Variants in MAP3K20 observed in about 807,000 individuals in gnomAD.
MAP3K20 encodes the protein HCCS-4.
Under a neutral mutation model 85.7 loss-of-function variants are expected in MAP3K20, and 40 were observed. That is an observed-to-expected ratio of 0.47 (90% CI 0.36 to 0.61). The LOEUF (loss-of-function observed/expected upper bound fraction) is 0.61, where lower values mean the gene tolerates loss of function less well. Among genes scored for constraint, MAP3K20 ranks in the 20% least tolerant of loss-of-function variants. The pLI is 0.00. For missense variants in MAP3K20, 817 were observed against 961.7 expected, an observed-to-expected ratio of 0.85 and a Z score of 1.99; for synonymous variants, 325 against 327.7, an observed-to-expected ratio of 0.99 and a Z score of 0.09.
chr2:173,233,968 T>C (rs1684587597), intron 14 of MAP3K20, among the ~76,000 whole-genome samples: 1 of 152,194 alleles, frequency 6.6e-6, no homozygotes, highest in Admixed American at 6.5e-5. Context: ...TCCCAAAGGC[T>C]GGCAAAGAAT....
intron 2 of MAP3K20, among the ~76,000 whole-genome samples, chr2:173,148,358 A>G (rs1222026220): frequency 6.6e-6 from 1 of 152,192 alleles, no homozygotes; most frequent in Non-Finnish European, 1.5e-5. Context: ...GTAAAATTTT[A>G]TGCTATGAGA....
At chr2:173,219,042 G>A (rs1266682353) in intron 11 of MAP3K20, among the ~76,000 whole-genome samples, 1 of 152,050 alleles carries the variant, frequency 6.6e-6, no homozygotes, top group Non-Finnish European at 1.5e-5. Flanking sequence ...TACAGTACTT[G>A]CTTTTAATGT....
intron 16 of MAP3K20, among the ~76,000 whole-genome samples, chr2:173,245,203 T>C (rs1398900002): frequency 6.6e-6 from 1 of 152,190 alleles, no homozygotes; most frequent in Non-Finnish European, 1.5e-5. Flanking sequence ...TATTACCTTA[T>C]ACACAAATAG....
intron 1 of MAP3K20, among the ~76,000 whole-genome samples, 172 bp downstream of exon 1, chr2:173,076,174 C>CGGCGGCCGGAGCGAGCG (rs1426818114): frequency 4.6e-5 from 7 of 151,362 alleles, no homozygotes; most frequent in African/African-American, 1.7e-4. Flanking sequence ...CGCCCGGCGG[C>CGGCGGCCGGAGCGAGCG]GGCGGCCGGA....
At chr2:173,134,393 CATATATATATAT>C (rs1162728873) in intron 2 of MAP3K20, among the ~76,000 whole-genome samples, 10 of 12,332 alleles carry the variant, frequency 8.1e-4, no homozygotes, top group Admixed American at 1.7e-3. Flanking sequence ...TGTCTCTATA[CATATATATATAT>C]ATATATATAT....
chr2:173,076,351 T>A (rs111471313), intron 1 of MAP3K20, among the ~76,000 whole-genome samples: 2,386 of 152,084 alleles, frequency 0.016, 43 homozygotes, highest in South Asian at 0.072. Context: ...GCTTTCGCGG[T>A]CCCGGGCGTG....
At chr2:173,075,793 G>A (rs1686829383), upstream of MAP3K20, 3 of 985,526 alleles carry the variant, frequency 3.0e-6, no homozygotes, top group Admixed American at 6.1e-5. Flanking sequence ...GGGGAGGGCG[G>A]CCCAGCCGTT....
intron 1 of MAP3K20, among the ~76,000 whole-genome samples, chr2:173,077,110 C>A (rs558793267): frequency 6.6e-6 from 1 of 152,240 alleles, no homozygotes; most frequent in South Asian, 2.1e-4. Flanking sequence ...GCTCTCGATA[C>A]TGGTGTGTGA....
In MAP3K20 at chr2:173,177,909, C is replaced by T. The variant is rs1175888425; in HGVS notation, c.248-4945C>T. ...CTGAAGTGGATAACCTGAGCCTCAA[C>T]CTGAAGAAACTACAGAAAGAAGGAC... On this transcript the variant is annotated intron_variant, in intron 3 of 19. Coordinates refer to ENST00000375213, the MANE Select transcript of MAP3K20 (RefSeq NM_016653.3). 2.0e-5 allele frequency among the ~76,000 whole-genome samples: 3 copies of T among 151,906 alleles called. No individual in the cohort carries two copies. The East Asian group carries it at 5.8e-4, about 29-fold the overall frequency.
At chr2:173,210,148 T>G in intron 10 of MAP3K20, 1 of 297,316 alleles carries the variant, frequency 3.4e-6, no homozygotes, top group African/African-American at 2.2e-5. Context: ...GGTCAGGAGT[T>G]TGAGACCACC....
intron 9 of MAP3K20, among the ~76,000 whole-genome samples, chr2:173,208,567 C>T (rs1356427742): frequency 2.0e-5 from 3 of 152,034 alleles, no homozygotes; most frequent in Non-Finnish European, 2.9e-5. Context: ...CTATGTGTGC[C>T]CTCTTCAAGG....
chr2:173,123,340 C>G (rs1412904513), intron 2 of MAP3K20, among the ~76,000 whole-genome samples: 1 of 152,204 alleles, frequency 6.6e-6, no homozygotes, highest in East Asian at 1.9e-4. Flanking sequence ...CCTACCCCCA[C>G]ACATATTCCC....
intron 9 of MAP3K20, among the ~76,000 whole-genome samples, chr2:173,206,714 A>G (rs1385571769): frequency 6.6e-6 from 1 of 152,178 alleles, no homozygotes; most frequent in Non-Finnish European, 1.5e-5. Context: ...ATGGACGGCA[A>G]GCTTTATAAG....
intron 17 of MAP3K20, 107 bp downstream of exon 17, chr2:173,258,922 A>G (rs1012247759): frequency 2.9e-5 from 19 of 646,784 alleles, no homozygotes; most frequent in Admixed American, 2.9e-5. Flanking sequence ...TGCTCACATC[A>G]GCTCAGCCTC....
At chr2:173,134,366 T>TTGTG (rs72052198) in intron 2 of MAP3K20, among the ~76,000 whole-genome samples, 2 of 79,664 alleles carry the variant, frequency 2.5e-5, no homozygotes, top group South Asian at 3.6e-4. Flanking sequence ...CCTGGCTAAA[T>TTGTG]TGTGTGTGTG....
At chr2:173,135,410 G>A (rs1688772358) in intron 2 of MAP3K20, among the ~76,000 whole-genome samples, 1 of 152,214 alleles carries the variant, frequency 6.6e-6, no homozygotes, top group South Asian at 2.1e-4. Flanking sequence ...TTAACAGACG[G>A]AAATGAAAGT....
In MAP3K20 at chr2:173,229,612, G is replaced by C. The variant is rs1205107851; in HGVS notation, c.988-77G>C. 5 of 1,587,674 alleles carry C rather than the reference G, an allele frequency of 3.1e-6. No individual in the cohort carries two copies. The Admixed American group carries it at 6.7e-5, about 21-fold the overall frequency. On this transcript the variant is annotated intron_variant, in intron 11 of 19. Transcript: ENST00000375213. ...AGAGCAGCAGCTGAGAGCTGAAAGA[G>C]TGAGACAAGAGGATGAACCAAAAAG... is the stretch of plus-strand genomic sequence containing the variant.
At chr2:173,139,745 G>T (rs984050800) in intron 2 of MAP3K20, among the ~76,000 whole-genome samples, 13 of 152,078 alleles carry the variant, frequency 8.5e-5, no homozygotes, top group African/African-American at 1.9e-4. Context: ...TATGGATATA[G>T]TTAGTAAACG....
chr2:173,092,226 G>A (rs1233951525), intron 2 of MAP3K20, among the ~76,000 whole-genome samples: 1 of 152,186 alleles, frequency 6.6e-6, no homozygotes. Flanking sequence ...AGAGATCTCT[G>A]CCTTGGGGAA....
Sources: allele counts gnomAD v4.1 joint callset (sites outside exome capture counted in the v4.1 genomes callset), GRCh38; gene constraint gnomAD v4.1.1; transcripts MANE v1.5; gene names NCBI Gene and HGNC (gene_info 2026-07-23, HGNC 2026-07-21).